CRPPA: variants seen among roughly 807,000 people sequenced by gnomAD.
CRPPA encodes the protein D-ribitol-5-phosphate cytidylyltransferase.
Under a neutral mutation model 52.0 loss-of-function variants are expected in CRPPA, and 43 were observed. That is an observed-to-expected ratio of 0.83 (90% confidence interval 0.65 to 1.07). The LOEUF is 1.07. Ranked by LOEUF, CRPPA falls within the 50% of genes least tolerant of loss-of-function variation. The pLI, the probability that CRPPA is intolerant of heterozygous loss-of-function variation, is 0.00. For synonymous variants in CRPPA, 250 were observed against 203.5 expected (o/e 1.23, Z -1.94); for missense variants, 629 against 551.7 (o/e 1.14, Z -1.40).
intron 9 of CRPPA, among the ~76,000 whole-genome samples, chr7:16,112,093 T>C (rs111795100): frequency 0.28 from 42,650 of 152,072 alleles, 7,660 homozygotes; most frequent in Admixed American, 0.39. Flanking sequence ...GGCGGGAAGA[T>C]TGCCTGAGCT....
At chr7:16,323,802 T>C (rs1428829584) in intron 3 of CRPPA, among the ~76,000 whole-genome samples, 10 of 152,020 alleles carry the variant, frequency 6.6e-5, no homozygotes, top group Non-Finnish European at 1.0e-4. Context: ...ATACAGGAAA[T>C]AGAAATCAAT....
chr7:16,361,647 T>A (rs1287318687), intron 3 of CRPPA, among the ~76,000 whole-genome samples: 3 of 152,040 alleles, frequency 2.0e-5, no homozygotes, highest in East Asian at 3.9e-4. Flanking sequence ...ATAGTCAAAC[T>A]CAGAGTCAAA....
intron 8 of CRPPA, among the ~76,000 whole-genome samples, chr7:16,223,632 C>A (rs986389532): frequency 6.6e-6 from 1 of 152,090 alleles, no homozygotes; most frequent in Non-Finnish European, 1.5e-5. Flanking sequence ...CTAAAATATA[C>A]CAACTACTTA....
intron 3 of CRPPA, among the ~76,000 whole-genome samples, chr7:16,322,641 T>G (rs1172628950): frequency 6.6e-6 from 1 of 152,118 alleles, no homozygotes; most frequent in Non-Finnish European, 1.5e-5. Flanking sequence ...TGACAACATT[T>G]GTTGAGCAGG....
chr7:16,409,521 G>C (rs1298725623), intron 1 of CRPPA, among the ~76,000 whole-genome samples: 1 of 152,196 alleles, frequency 6.6e-6, no homozygotes, highest in African/African-American at 2.4e-5. Context: ...CTGGGTACCA[G>C]GTGGAGCTTG....
At chr7:16,164,240 T>G (rs902871321) in intron 9 of CRPPA, among the ~76,000 whole-genome samples, 29 of 152,230 alleles carry the variant, frequency 1.9e-4, no homozygotes, top group African/African-American at 6.8e-4. Context: ...CTTGTCTTCA[T>G]GCTTTATTTC....
intron 3 of CRPPA, among the ~76,000 whole-genome samples, chr7:16,322,494 T>C (rs1409830097): frequency 2.0e-5 from 3 of 152,136 alleles, no homozygotes; most frequent in African/African-American, 4.8e-5. Flanking sequence ...TAATCTCCCA[T>C]TTTCGCCAAA....
chr7:16,135,798 T>C (rs1782752683), intron 9 of CRPPA, among the ~76,000 whole-genome samples: 2 of 152,282 alleles, frequency 1.3e-5, no homozygotes, highest in Middle Eastern at 6.8e-3. Context: ...CCACAAACAG[T>C]TGGGGCTTCA....
intron 9 of CRPPA, among the ~76,000 whole-genome samples, chr7:16,167,911 A>G (rs1024047586): frequency 3.3e-5 from 5 of 152,194 alleles, no homozygotes; most frequent in African/African-American, 1.2e-4. Flanking sequence ...GCTAGAAAAA[A>G]CAGAACACTT....
intron 2 of CRPPA, among the ~76,000 whole-genome samples, chr7:16,385,534 T>G (rs977804866): frequency 1.3e-5 from 2 of 152,154 alleles, no homozygotes; most frequent in African/African-American, 4.8e-5. Context: ...AAACCAGTAT[T>G]TCACACATGA....
At chr7:16,393,516 C>A (rs1330465931) in intron 2 of CRPPA, among the ~76,000 whole-genome samples, 2 of 152,024 alleles carry the variant, frequency 1.3e-5, no homozygotes, top group African/African-American at 4.8e-5. Flanking sequence ...TGGTGCTAGG[C>A]AAAGACTTAC....
At chr7:16,182,189 C>A (rs1306843215) in intron 9 of CRPPA, among the ~76,000 whole-genome samples, 4 of 151,796 alleles carry the variant, frequency 2.6e-5, no homozygotes, top group Non-Finnish European at 4.4e-5. Flanking sequence ...TGATGCCAGG[C>A]AGCATTAATA....
intron 3 of CRPPA, among the ~76,000 whole-genome samples, chr7:16,361,993 T>A (rs1435492176): frequency 1.3e-5 from 2 of 152,026 alleles, no homozygotes; most frequent in Non-Finnish European, 2.9e-5. Flanking sequence ...TAGCTGGGAC[T>A]ACAGGCACCT....
At chr7:16,411,697 C>T (rs1451161701) in intron 1 of CRPPA, among the ~76,000 whole-genome samples, 9 of 151,996 alleles carry the variant, frequency 5.9e-5, no homozygotes, top group Non-Finnish European at 1.3e-4. Context: ...GGCATAAAAA[C>T]TGCTCTTAGA....
intron 6 of CRPPA, among the ~76,000 whole-genome samples, chr7:16,267,635 C>G (rs1656077375): frequency 6.6e-6 from 1 of 152,106 alleles, no homozygotes; most frequent in Non-Finnish European, 1.5e-5. Context: ...ACATAAATGA[C>G]TAAAATTAAA....
At chr7:16,287,758 C>T (rs550604503) in intron 5 of CRPPA, among the ~76,000 whole-genome samples, 4 of 152,148 alleles carry the variant, frequency 2.6e-5, no homozygotes, top group Non-Finnish European at 5.9e-5. Flanking sequence ...CCTGTCTCTA[C>T]TAAAAATACA....
intron 3 of CRPPA, among the ~76,000 whole-genome samples, chr7:16,369,985 C>G (rs1786706472): frequency 6.6e-6 from 1 of 152,164 alleles, no homozygotes; most frequent in Non-Finnish European, 1.5e-5. Context: ...TTAACCCTAC[C>G]CAGAGCTGGA....
Position 16,393,511 on chromosome 7 carries a change from C to T in CRPPA, c.534+12550G>A, listed in dbSNP as rs560181019. On this transcript the variant is annotated intron_variant, in intron 2 of 9. Coordinates refer to ENST00000407010, the MANE Select transcript of CRPPA (RefSeq NM_001101426.4). ...GGGGATAATTATTCAATAAATGGTG[C>T]TAGGCAAAGACTTACCTTTGTAGCA... Among the ~76,000 whole-genome samples, 4 of 152,200 alleles carry T rather than the reference C, an allele frequency of 2.6e-5. No homozygotes were observed. In the South Asian group the frequency reaches 8.3e-4, roughly 32 times the overall value.
intron 9 of CRPPA, among the ~76,000 whole-genome samples, chr7:16,160,816 T>A (rs1269111938): frequency 1.3e-5 from 2 of 152,230 alleles, no homozygotes; most frequent in African/African-American, 2.4e-5. Context: ...TTTTTCCATT[T>A]GTTTGTAACC....
Sources: allele counts gnomAD v4.1 joint callset (sites outside exome capture counted in the v4.1 genomes callset), GRCh38; gene constraint gnomAD v4.1.1; transcripts MANE v1.5; gene names NCBI Gene and HGNC (gene_info 2026-07-23, HGNC 2026-07-21).